The following SLC24A2 variants were observed in gnomAD, a reference collection of about 807,000 sequenced individuals.
SLC24A2 encodes sodium/potassium/calcium exchanger 2.
SLC24A2 carries 36 observed loss-of-function variants against 62.0 expected under a neutral mutation model. The observed-to-expected ratio is 0.58, with a 90% CI of 0.44 to 0.77. SLC24A2 has a LOEUF of 0.77. Ranked by LOEUF, SLC24A2 falls within the 30% of genes least tolerant of loss-of-function variation. The probability of loss-of-function intolerance (pLI) is 0.00; values close to 1 mark genes in which losing one functional copy is unlikely to be tolerated. For missense variants in SLC24A2, 846 were observed against 817.9 expected, an observed-to-expected ratio of 1.03 and a Z score of -0.42; for synonymous variants, 358 against 294.0, an observed-to-expected ratio of 1.22 and a Z score of -2.23.
At chr9:19,933,007 G>A in the SLC24A2 span, among the ~76,000 whole-genome samples, 2 of 152,258 alleles carry the variant, frequency 1.3e-5, no homozygotes, top group Non-Finnish European at 2.9e-5. Flanking sequence ...GAAAGTGGTG[G>A]CCTTCTCATC....
the SLC24A2 span, among the ~76,000 whole-genome samples, chr9:19,990,975 G>C: frequency 6.9e-6 from 1 of 144,136 alleles, no homozygotes; most frequent in East Asian, 2.0e-4. Flanking sequence ...ATATATGTAT[G>C]TATATGTATG....
At chr9:19,991,643 C>T in the SLC24A2 span, among the ~76,000 whole-genome samples, 1 of 152,142 alleles carries the variant, frequency 6.6e-6, no homozygotes, top group African/African-American at 2.4e-5. Context: ...GTTCCAAATG[C>T]TATGCTTATA....
chr9:20,250,532 A>G, the SLC24A2 span, among the ~76,000 whole-genome samples: 3 of 152,192 alleles, frequency 2.0e-5, no homozygotes, highest in African/African-American at 7.2e-5. Flanking sequence ...ACCTTGAAGA[A>G]TGAAAACTCA....
the SLC24A2 span, among the ~76,000 whole-genome samples, chr9:19,867,826 C>A: frequency 6.6e-6 from 1 of 152,142 alleles, no homozygotes; most frequent in East Asian, 1.9e-4. Context: ...GTGAATCGGT[C>A]GAACCCGGGA....
intron 2 of SLC24A2, among the ~76,000 whole-genome samples, chr9:19,651,234 G>A (rs573562922): frequency 7.9e-5 from 12 of 152,212 alleles, no homozygotes; most frequent in South Asian, 4.1e-4. Context: ...ATAAAGATGC[G>A]AATACTTATA....
chr9:19,867,307 C>A, the SLC24A2 span, among the ~76,000 whole-genome samples: 1 of 152,050 alleles, frequency 6.6e-6, no homozygotes. Context: ...ACAATCTGAG[C>A]CTGGGATTTA....
the SLC24A2 span, among the ~76,000 whole-genome samples, chr9:19,920,932 C>T: frequency 5.9e-5 from 9 of 152,136 alleles, no homozygotes; most frequent in Non-Finnish European, 1.3e-4. Flanking sequence ...GTTATTTAAT[C>T]TCTTGGCACT....
intron 8 of SLC24A2, among the ~76,000 whole-genome samples, chr9:19,529,744 G>C (rs1292545713): frequency 2.7e-5 from 4 of 146,838 alleles, no homozygotes; most frequent in African/African-American, 7.5e-5. Context: ...TGGAGTTGGA[G>C]ACCTTCGTTT....
the SLC24A2 span, among the ~76,000 whole-genome samples, chr9:20,223,923 T>C: frequency 6.6e-6 from 1 of 151,800 alleles, no homozygotes; most frequent in Non-Finnish European, 1.5e-5. Flanking sequence ...AAACTTACAA[T>C]CATGGTGGAA....
the SLC24A2 span, among the ~76,000 whole-genome samples, chr9:20,260,194 C>G: frequency 6.6e-6 from 1 of 152,268 alleles, no homozygotes; most frequent in Non-Finnish European, 1.5e-5. Flanking sequence ...GCTGGTTTGG[C>G]CCTTCTTGCC....
At chr9:19,899,798 C>T in the SLC24A2 span, among the ~76,000 whole-genome samples, 1 of 152,064 alleles carries the variant, frequency 6.6e-6, no homozygotes, top group Non-Finnish European at 1.5e-5. Context: ...GGAGAATAAG[C>T]AAAAGGGGGA....
chr9:19,732,255 C>T (rs757228329), intron 2 of SLC24A2, among the ~76,000 whole-genome samples: 1 of 152,120 alleles, frequency 6.6e-6, no homozygotes, highest in Non-Finnish European at 1.5e-5. Context: ...AGTGGTTTAG[C>T]CCCCCTGGCT....
the SLC24A2 span, among the ~76,000 whole-genome samples, chr9:19,832,310 T>C: frequency 6.6e-6 from 1 of 152,214 alleles, no homozygotes; most frequent in African/African-American, 2.4e-5. Flanking sequence ...CTACTTCAAG[T>C]TGTATCAGTG....
chr9:19,893,283 A>G, the SLC24A2 span, among the ~76,000 whole-genome samples: 3 of 152,184 alleles, frequency 2.0e-5, no homozygotes, highest in Admixed American at 6.5e-5. Flanking sequence ...GCTCTCTAGC[A>G]AGGAGCCTCT....
intron 4 of SLC24A2, among the ~76,000 whole-genome samples, chr9:19,612,567 G>A (rs1180641189): frequency 1.3e-5 from 2 of 152,138 alleles, no homozygotes; most frequent in Admixed American, 6.5e-5. Flanking sequence ...GGCACAGAGA[G>A]GATAAACAAA....
At chr9:19,776,242 A>G (rs997720746) in intron 2 of SLC24A2, among the ~76,000 whole-genome samples, 4 of 152,362 alleles carry the variant, frequency 2.6e-5, no homozygotes, top group Non-Finnish European at 5.9e-5. Flanking sequence ...GTGCCCAGTG[A>G]GAAGCACTCA....
At chr9:20,032,450 A>T in the SLC24A2 span, among the ~76,000 whole-genome samples, 1 of 152,172 alleles carries the variant, frequency 6.6e-6, no homozygotes, top group Non-Finnish European at 1.5e-5. Context: ...CAATAATTAC[A>T]TCTTTTGTGT....
the SLC24A2 span, among the ~76,000 whole-genome samples, chr9:19,855,404 G>A: frequency 6.6e-6 from 1 of 152,140 alleles, no homozygotes; most frequent in Non-Finnish European, 1.5e-5. Flanking sequence ...GTGTACTTGA[G>A]TGTGTTTTGT....
the SLC24A2 span, among the ~76,000 whole-genome samples, chr9:19,936,173 T>A: frequency 6.6e-6 from 1 of 152,176 alleles, no homozygotes; most frequent in African/African-American, 2.4e-5. Context: ...TTACCATCCT[T>A]TATATTTTTC....
Sources: gnomAD v4.1 joint callset for allele counts (sites outside exome capture counted in the v4.1 genomes callset) on GRCh38, gnomAD v4.1.1 for gene constraint, MANE v1.5 for transcripts, NCBI Gene and HGNC (gene_info 2026-07-23, HGNC 2026-07-21) for gene names.